Variants in KLHL18 observed in about 807,000 individuals in gnomAD.
KLHL18 encodes the protein kelch like family member 18, also known as kelch-like protein 18.
KLHL18 carries 38 observed loss-of-function variants against 58.5 expected under a neutral mutation model. That is an observed-to-expected ratio of 0.65 (90% CI 0.50 to 0.85). The LOEUF (loss-of-function observed/expected upper bound fraction) is 0.85. KLHL18 is among the 40% of genes least tolerant of loss of function. The pLI is 0.00. For synonymous variants in KLHL18, 303 were observed against 301.9 expected (o/e 1.00, Z -0.04); for missense variants, 624 against 778.4 (o/e 0.80, Z 2.36).
intron 8 of KLHL18, among the ~76,000 whole-genome samples, 180 bp from the exon 9 acceptor site, chr3:47,342,539 G>A (rs1030889413): frequency 6.6e-6 from 1 of 152,210 alleles, no homozygotes; most frequent in African/African-American, 2.4e-5. Context: ...AAGATGGGCT[G>A]TGGGTTTGCA....
chr3:47,307,278 G>A (rs1319298764), intron 1 of KLHL18, among the ~76,000 whole-genome samples: 1 of 152,080 alleles, frequency 6.6e-6, no homozygotes, highest in Non-Finnish European at 1.5e-5. Flanking sequence ...TCAGCATGTT[G>A]GCCAGGCTGG....
intron 5 of KLHL18, among the ~76,000 whole-genome samples, chr3:47,333,640 C>T (rs1335396290): frequency 1.3e-5 from 2 of 152,262 alleles, no homozygotes; most frequent in Non-Finnish European, 2.9e-5. Flanking sequence ...TGCTCTGACC[C>T]TGTCCACACC....
intron 9 of KLHL18, among the ~76,000 whole-genome samples, chr3:47,343,292 G>A (rs1037799049): frequency 1.3e-4 from 20 of 152,204 alleles, no homozygotes; most frequent in Non-Finnish European, 2.9e-5. Context: ...TACAGGTTCT[G>A]TCACTACCTA....
rs1214631088 is a variant in KLHL18, at chr3:47,334,011, T to C, written c.762-672T>C. 6.6e-6 allele frequency among the ~76,000 whole-genome samples: 1 copy of C among 152,220 alleles called. No individual in the cohort carries two copies. The highest frequency in any genetic ancestry group is 2.4e-5 in the African/African-American group (1 of 41,458). ...TAAAAACTTTACACACATTCAGCTT[T>C]CTTTCATTTTCCAACTCCTGGTTGG... On this transcript the variant is annotated intron_variant, in intron 5 of 9. Transcript: ENST00000232766. The surrounding 1 kb of genome is among the most constrained non-coding windows in gnomAD (Gnocchi z 4.7).
At chr3:47,290,881 G>A (rs1029004337) in intron 1 of KLHL18, among the ~76,000 whole-genome samples, 3 of 152,248 alleles carry the variant, frequency 2.0e-5, no homozygotes, top group African/African-American at 7.2e-5. Context: ...CCTTGTTCAA[G>A]TTATGTTGTG....
chr3:47,324,504 T>C (rs560801377), intron 3 of KLHL18, among the ~76,000 whole-genome samples: 1 of 151,746 alleles, frequency 6.6e-6, no homozygotes, highest in Non-Finnish European at 1.5e-5. Context: ...ATCCAGGCTA[T>C]GTTGTAAAGT....
At chr3:47,323,322 C>T (rs971050735) in intron 3 of KLHL18, among the ~76,000 whole-genome samples, 1 of 152,136 alleles carries the variant, frequency 6.6e-6, no homozygotes, top group African/African-American at 2.4e-5. Flanking sequence ...AAACTCTGCC[C>T]ACCTTGGTCT....
intron 1 of KLHL18, among the ~76,000 whole-genome samples, chr3:47,301,895 A>G (rs1386903307): frequency 1.3e-5 from 2 of 152,136 alleles, no homozygotes; most frequent in Non-Finnish European, 2.9e-5. Flanking sequence ...TCCCAGGCTC[A>G]AGCAATTCTC....
chr3:47,333,108 G>C (rs1703901654), intron 4 of KLHL18, 49 bp from the exon 5 acceptor site: 2 of 1,587,326 alleles, frequency 1.3e-6, no homozygotes, highest in African/African-American at 2.7e-5. Flanking sequence ...CCTGGGGTGT[G>C]GCCTCTGGGT....
At chr3:47,328,577 T>A (rs1393527068) in intron 3 of KLHL18, among the ~76,000 whole-genome samples, 1 of 152,000 alleles carries the variant, frequency 6.6e-6, no homozygotes, top group African/African-American at 2.4e-5. Context: ...CTAGCCCTGA[T>A]GAGTGTAAGT....
chr3:47,321,770 T>C (rs1703595607), intron 2 of KLHL18, among the ~76,000 whole-genome samples: 1 of 152,102 alleles, frequency 6.6e-6, no homozygotes, highest in Non-Finnish European at 1.5e-5. Context: ...GTGGAGTCTG[T>C]GCTATTTTCA....
intron 6 of KLHL18, among the ~76,000 whole-genome samples, chr3:47,335,129 A>C (rs1703955543): frequency 6.6e-6 from 1 of 152,226 alleles, no homozygotes; most frequent in Non-Finnish European, 1.5e-5. Flanking sequence ...CAAGGACTAG[A>C]ACTTGGGTGT....
intron 1 of KLHL18, among the ~76,000 whole-genome samples, chr3:47,289,138 A>G (rs1702739171): frequency 6.6e-6 from 1 of 152,234 alleles, no homozygotes; most frequent in African/African-American, 2.4e-5. Context: ...GAGTGACAGC[A>G]TAATGAGGTC....
intron 1 of KLHL18, among the ~76,000 whole-genome samples, chr3:47,292,891 C>T (rs1186179582): frequency 1.5e-5 from 2 of 135,884 alleles, no homozygotes; most frequent in African/African-American, 5.6e-5. Context: ...TGGGCAACAG[C>T]GAGACCCTGT....
chr3:47,288,183 T>C (rs1041925329), intron 1 of KLHL18, among the ~76,000 whole-genome samples: 2 of 134,080 alleles, frequency 1.5e-5, no homozygotes, highest in African/African-American at 5.9e-5. Context: ...ATCACGCCAC[T>C]GCACTCCAGC....
intron 1 of KLHL18, among the ~76,000 whole-genome samples, chr3:47,309,959 C>CGGCATCAGAG (rs1247260264): frequency 8.2e-6 from 1 of 121,780 alleles, no homozygotes; most frequent in Non-Finnish European, 1.6e-5. Flanking sequence ...AGCTTCGGCT[C>CGGCATCAGAG]GGCATCAGAG....
chr3:47,321,745 G>A (rs1703594784), intron 2 of KLHL18, among the ~76,000 whole-genome samples: 1 of 152,192 alleles, frequency 6.6e-6, no homozygotes, highest in Non-Finnish European at 1.5e-5. Context: ...GCAGAGTAAA[G>A]GCTAGTGAAG....
chr3:47,300,899 A>G (rs1442214411), intron 1 of KLHL18, among the ~76,000 whole-genome samples: 1 of 152,052 alleles, frequency 6.6e-6, no homozygotes, highest in Non-Finnish European at 1.5e-5. Flanking sequence ...TTGGCTTCCC[A>G]AAGTGCTGGG....
intron 1 of KLHL18, among the ~76,000 whole-genome samples, chr3:47,299,264 A>G (rs918848577): frequency 6.6e-6 from 1 of 152,238 alleles, no homozygotes; most frequent in African/African-American, 2.4e-5. Context: ...TAACATTTAA[A>G]TTAGTAGACT....
Sources: gnomAD v4.1 joint callset for allele counts (sites outside exome capture counted in the v4.1 genomes callset) on GRCh38, gnomAD v4.1.1 for gene constraint, Gnocchi (gnomAD v3.1) non-coding constraint, MANE v1.5 for transcripts, NCBI Gene and HGNC (gene_info 2026-07-23, HGNC 2026-07-21) for gene names.